The following NDUFAB1 variants were observed in gnomAD, a reference collection of about 807,000 sequenced individuals.
The protein encoded by NDUFAB1 is acyl carrier protein, mitochondrial.
Under a neutral mutation model 16.1 loss-of-function variants are expected in NDUFAB1, and 5 were observed. The ratio of observed to expected loss-of-function variants is 0.31; its 90% CI spans 0.16 to 0.65. NDUFAB1 has a LOEUF of 0.65. NDUFAB1 is among the 30% of genes least tolerant of loss of function. The pLI is 0.77. For missense variants in NDUFAB1, 187 were observed against 205.3 expected (o/e 0.91, Z 0.54); for synonymous variants, 85 against 78.4 (o/e 1.08, Z -0.44).
At chr16:23,582,165 T>C (rs563011842) in intron 4 of NDUFAB1, 111 bp downstream of exon 4, 93 of 1,266,080 alleles carry the variant, frequency 7.3e-5, no homozygotes, top group Non-Finnish European at 8.7e-5. Flanking sequence ...ATTTTATAAG[T>C]AGTGAAAAAT....
Position 23,596,229 on chromosome 16 carries a change from G to C in NDUFAB1, c.62C>G (p.Pro21Arg). 2 of 1,607,512 alleles carry C rather than the reference G, an allele frequency of 1.2e-6. No individual in the cohort carries two copies. Among genetic ancestry groups the C allele is most frequent in the Admixed American group, 3.4e-5 (2 of 59,526 alleles). ...SRLPAAFAPL[P>R]RVRMLAVARP... ...GGCCACGGCCAGCATCCGGACCCGG[G>C]GCAGCGGCGCAAAGGCCGCGGGCAG... The change falls in exon 1 of 5, where the codon CCC becomes CGC. Residue 21 changes from proline to arginine, a missense_variant. Physicochemically the swap from Pro to Arg is moderately radical, Grantham distance 103. Transcript: ENST00000007516.
In NDUFAB1 at chr16:23,586,949, G is replaced by A. The variant is rs1433027699; in HGVS notation, c.291+248C>T. Among the ~76,000 whole-genome samples, 4 of 152,214 alleles carry A rather than the reference G, an allele frequency of 2.6e-5. No individual in the cohort carries two copies. In the East Asian group the frequency reaches 7.7e-4, roughly 29 times the overall value. ...AGGCATGAGCCACAGTGCCCGGCCAGTTGTGTTTTTTAAAAAGGGTGAGAG... is the reference window on the plus strand; with the variant it reads ...AGGCATGAGCCACAGTGCCCGGCCAATTGTGTTTTTTAAAAAGGGTGAGAG... On this transcript the variant is annotated intron_variant, in intron 2 of 4. Coordinates refer to ENST00000007516, the MANE Select transcript of NDUFAB1 (RefSeq NM_005003.3).
At chr16:23,595,145 G>C (rs1434847957) in intron 1 of NDUFAB1, among the ~76,000 whole-genome samples, 1 of 149,612 alleles carries the variant, frequency 6.7e-6, no homozygotes, top group African/African-American at 2.6e-5. Context: ...CAAATACTCG[G>C]GGGGGCTGAG....
chr16:23,595,238 C>G (rs1045563282), intron 1 of NDUFAB1, among the ~76,000 whole-genome samples: 4 of 152,142 alleles, frequency 2.6e-5, no homozygotes, highest in Non-Finnish European at 5.9e-5. Context: ...CACTGCATTA[C>G]AGCCTGGGTG....
chr16:23,583,799 C>T (rs534063425), intron 3 of NDUFAB1, among the ~76,000 whole-genome samples: 3 of 151,322 alleles, frequency 2.0e-5, no homozygotes, highest in Admixed American at 1.3e-4. Flanking sequence ...ATGACGATGG[C>T]GGTTGTTTCG....
In NDUFAB1 at chr16:23,586,329, C is replaced by T. The variant is rs116071347; in HGVS notation, c.291+868G>A. 8.1e-3 allele frequency among the ~76,000 whole-genome samples: 1,225 copies of T among 152,012 alleles called. 18 individuals are homozygous for T. The highest frequency in any genetic ancestry group is 0.028 in the African/African-American group (1,156 of 41,474). On this transcript the variant is annotated intron_variant, in intron 2 of 4. Transcript: ENST00000007516. ...AAAAAAAACTGCCTTACCTACACAA[C>T]AGATTCAATTTTTTTTCGTTGTTAG... is the stretch of plus-strand genomic sequence containing the variant.
intron 2 of NDUFAB1, among the ~76,000 whole-genome samples, chr16:23,585,941 G>T (rs1388515272): frequency 6.6e-6 from 1 of 152,016 alleles, no homozygotes; most frequent in Non-Finnish European, 1.5e-5. Context: ...CTGTTTTTTG[G>T]TTTTTTGAGA....
Position 23,587,300 on chromosome 16 carries a change from T to C in NDUFAB1, c.188A>G (p.Gln63Arg). The part of the protein sequence containing the change: ...VLAQVPGRVT[Q>R]LCRQYSDMPP... ...CATGTCGCTATACTGGCGGCACAACTGTGTAACTCTACCAGGAACCTAGAG... is the reference window on the plus strand; with the variant it reads ...CATGTCGCTATACTGGCGGCACAACCGTGTAACTCTACCAGGAACCTAGAG... Residue 63 changes from glutamine to arginine, a missense_variant, in exon 2 of 5, where the codon CAG becomes CGG. Physicochemically the swap from Gln to Arg is conservative, Grantham distance 43. Coordinates refer to ENST00000007516, the MANE Select transcript of NDUFAB1 (RefSeq NM_005003.3). 6.2e-7 allele frequency: 1 copy of C among 1,613,976 alleles called. No homozygotes were observed. Among genetic ancestry groups the C allele is most frequent in the East Asian group, 2.2e-5 (1 of 44,878 alleles).
chr16:23,596,049 G>A lies in NDUFAB1; in HGVS notation c.168+74C>T, dbSNP rs1966322828. On this transcript the variant is annotated intron_variant, in intron 1 of 4. Transcript: ENST00000007516. ...CCCTGCCTGCAGCTGGCGCGCCCCGGATGCCCGGCCCCCACCCCCACCGGG... is the reference window on the plus strand; with the variant it reads ...CCCTGCCTGCAGCTGGCGCGCCCCGAATGCCCGGCCCCCACCCCCACCGGG... The A allele has an allele frequency of 2.0e-6, 3 of 1,514,834 alleles. No individual in the cohort carries two copies. The African/African-American group carries it at 4.3e-5, about 22-fold the overall frequency. The allele number at this position is 1,514,834 out of a possible 1,614,324, so 93.8% of individuals were successfully genotyped here.
chr16:23,593,703 G>A (rs776338405), intron 1 of NDUFAB1, among the ~76,000 whole-genome samples: 2 of 152,098 alleles, frequency 1.3e-5, no homozygotes, highest in Non-Finnish European at 2.9e-5. Flanking sequence ...ATCAGAATCT[G>A]TATTCCAGCC....
chr16:23,594,770 GAGCCACCAC>G (rs869080926), intron 1 of NDUFAB1, among the ~76,000 whole-genome samples: 12 of 151,796 alleles, frequency 7.9e-5, no homozygotes, highest in African/African-American at 2.9e-4. Context: ...TTACAGGCGT[GAGCCACCAC>G]GCCTGGCCAG....
chr16:23,584,593 T>G (rs1231731120), intron 3 of NDUFAB1, among the ~76,000 whole-genome samples: 1 of 152,078 alleles, frequency 6.6e-6, no homozygotes, highest in Admixed American at 6.6e-5. Context: ...ATTCCAATCC[T>G]GGGGTTCCTA....
chr16:23,586,162 G>A (rs372714750), intron 2 of NDUFAB1, among the ~76,000 whole-genome samples: 2 of 152,010 alleles, frequency 1.3e-5, no homozygotes, highest in East Asian at 3.9e-4. Flanking sequence ...CCCTGACCTC[G>A]TGATCCACCC....
Position 23,587,214 on chromosome 16 carries a change from T to C in NDUFAB1, c.274A>G (p.Lys92Glu), listed in dbSNP as rs780036346. ...RVLYVLKLYD[K>E]IDPEKLSVNS... ...TCAGTTACCTTCTCTGGGTCAATCT[T>C]GTCATAGAGTTTCAATACGTAAAGA... The change falls in exon 2 of 5, where the codon AAG becomes GAG. Residue 92 changes from lysine (K) to glutamate (E), a missense_variant. Physicochemically the swap from Lys to Glu is moderately conservative, Grantham distance 56 (BLOSUM62 1). Around this residue, in one of 3 missense-constraint regions of NDUFAB1, gnomAD observed 135 missense variants for 129.4 expected, o/e 1.04. Transcript: ENST00000007516. 1.2e-6 allele frequency: 2 copies of C among 1,613,792 alleles called. No individual in the cohort carries two copies. The highest frequency in any genetic ancestry group is 1.7e-6 in the Non-Finnish European group (2 of 1,179,858).
At position 23,581,047 on chromosome 16, in the gene NDUFAB1, CACAT is replaced by C. The variant is rs1396840374; in HGVS notation, c.*131_*134del. The C allele has an allele frequency of 6.6e-6, 1 of 152,552 alleles. No individual in the cohort carries two copies. Among genetic ancestry groups the C allele is most frequent in the Non-Finnish European group, 1.5e-5 (1 of 68,026 alleles). 9.4% of individuals were successfully genotyped at this position (152,552 alleles called of 1,614,324 possible). ...ATAGATTTATTTTCAAAGAGTAAAACACATACAATTTAAATACAAGTCCATCAGA... is the reference window on the plus strand; with the variant it reads ...ATAGATTTATTTTCAAAGAGTAAAACACAATTTAAATACAAGTCCATCAGA... On this transcript the variant is annotated 3_prime_UTR_variant, in exon 5 of 5. Coordinates refer to ENST00000007516, the MANE Select transcript of NDUFAB1 (RefSeq NM_005003.3).
intron 1 of NDUFAB1, among the ~76,000 whole-genome samples, chr16:23,594,724 G>A (rs1037282336): frequency 6.6e-6 from 1 of 151,228 alleles, no homozygotes; most frequent in Admixed American, 6.6e-5. Flanking sequence ...CTGGGCTCAA[G>A]CGATTCGCCC....
At chr16:23,586,399 G>A (rs1392366779) in intron 2 of NDUFAB1, among the ~76,000 whole-genome samples, 2 of 151,836 alleles carry the variant, frequency 1.3e-5, no homozygotes, top group Non-Finnish European at 2.9e-5. Flanking sequence ...GCAGTGGCAT[G>A]ATCTCGGCTC....
chr16:23,584,976 T>C (rs1966220826), intron 3 of NDUFAB1, among the ~76,000 whole-genome samples: 1 of 152,236 alleles, frequency 6.6e-6, no homozygotes, highest in African/African-American at 2.4e-5. Flanking sequence ...TGGTTCGCGT[T>C]ACCCGAGCTC....
rs1966175764 is a variant in NDUFAB1 at position 23,581,129 on chromosome 16, A to AT, written c.*52dup. ...CCAAAATGTGTCCTCACTGCCAGAC[A>AT]TTCGTCACTATCATCTGAGTCCTCT... On this transcript the variant is annotated 3_prime_UTR_variant, in exon 5 of 5. Coordinates refer to ENST00000007516, the MANE Select transcript of NDUFAB1 (RefSeq NM_005003.3). The AT allele has an allele frequency of 2.0e-5, 3 of 152,710 alleles. No individual in the cohort carries two copies. Among genetic ancestry groups the AT allele is most frequent in the Non-Finnish European group, 2.9e-5 (2 of 68,064 alleles). 9.5% of individuals were successfully genotyped at this position (152,710 alleles called of 1,614,324 possible). A position where few individuals can be genotyped will look rare whatever the true frequency, so the allele number is the denominator to read the frequency against.
Sources: allele counts gnomAD v4.1 joint callset (sites outside exome capture counted in the v4.1 genomes callset), GRCh38; gene constraint gnomAD v4.1.1; regional missense constraint gnomAD v4.1.1; transcripts MANE v1.5; gene names NCBI Gene and HGNC (gene_info 2026-07-23, HGNC 2026-07-21).